REDIC1: variants seen among roughly 807,000 people sequenced by gnomAD.
REDIC1 encodes the protein regulator of DNA class I crossover intermediates 1.
chr12:39,755,904 T>G, the REDIC1 span: 3 of 152,088 alleles, frequency 2.0e-5, no homozygotes, highest in South Asian at 6.2e-4. Context: ...ATAAAACACC[T>G]CTTTGATGAT....
At chr12:39,743,678 C>T in the REDIC1 span, among the ~76,000 whole-genome samples, 2 of 152,068 alleles carry the variant, frequency 1.3e-5, no homozygotes, top group African/African-American at 4.8e-5. Context: ...ACAACACTAA[C>T]AGAAATGAAG....
chr12:39,760,361 C>T, the REDIC1 span: 1 of 1,002,098 alleles, frequency 1.0e-6, no homozygotes, highest in Non-Finnish European at 1.4e-6. Context: ...TGCATAATCA[C>T]AGTATGAAAT....
chr12:39,894,936 G>A, the REDIC1 span, among the ~76,000 whole-genome samples: 2 of 152,162 alleles, frequency 1.3e-5, no homozygotes, highest in African/African-American at 4.8e-5. Flanking sequence ...ATGCTACAAG[G>A]AAAACTGGCT....
chr12:39,716,218 G>T, the REDIC1 span, among the ~76,000 whole-genome samples: 1 of 151,932 alleles, frequency 6.6e-6, no homozygotes, highest in Non-Finnish European at 1.5e-5. Context: ...ACATAGTAGG[G>T]ATTCATGACC....
the REDIC1 span, among the ~76,000 whole-genome samples, chr12:39,761,251 A>T: frequency 2.4e-4 from 30 of 126,840 alleles, no homozygotes; most frequent in African/African-American, 6.5e-4. Flanking sequence ...ATTAAGTAAA[A>T]TAAGGGGGCT....
chr12:39,680,354 G>A, the REDIC1 span, among the ~76,000 whole-genome samples: 1 of 152,010 alleles, frequency 6.6e-6, no homozygotes, highest in African/African-American at 2.4e-5. Context: ...GATAATACAA[G>A]TGGTCAACAG....
the REDIC1 span, chr12:39,646,756 G>T: frequency 1.1e-6 from 1 of 898,230 alleles, no homozygotes; most frequent in Non-Finnish European, 1.7e-6. Flanking sequence ...GTTTTGTGTA[G>T]AACAGTATGA....
the REDIC1 span, among the ~76,000 whole-genome samples, chr12:39,637,407 T>C: frequency 3.3e-5 from 5 of 152,092 alleles, no homozygotes; most frequent in Admixed American, 2.6e-4. Flanking sequence ...TGAACCTCAT[T>C]CCCACTTTCT....
chr12:39,765,606 C>T, the REDIC1 span, among the ~76,000 whole-genome samples: 3 of 152,046 alleles, frequency 2.0e-5, no homozygotes, highest in East Asian at 3.9e-4. Flanking sequence ...CCTATTGTTA[C>T]CATATTTATG....
chr12:39,746,285 T>C, the REDIC1 span, among the ~76,000 whole-genome samples: 2 of 152,172 alleles, frequency 1.3e-5, no homozygotes, highest in African/African-American at 4.8e-5. Flanking sequence ...ACCAGGAGAT[T>C]ATGTCCCATG....
chr12:39,895,514 TTATATATATATATATATATATA>T, the REDIC1 span, among the ~76,000 whole-genome samples: 2 of 56,664 alleles, frequency 3.5e-5, no homozygotes, highest in African/African-American at 1.5e-4. Flanking sequence ...AAAAAAAAAA[TTATATATATATATATATATATA>T]TATATATATA....
the REDIC1 span, among the ~76,000 whole-genome samples, chr12:39,663,002 T>C: frequency 1.3e-5 from 2 of 152,100 alleles, no homozygotes; most frequent in African/African-American, 4.8e-5. Flanking sequence ...TTATCTTTTT[T>C]TAAGTACTTT....
the REDIC1 span, among the ~76,000 whole-genome samples, chr12:39,720,463 G>T: frequency 6.6e-6 from 1 of 151,962 alleles, no homozygotes; most frequent in South Asian, 2.1e-4. Context: ...CTGTTGAAAG[G>T]GTAGAGAGAT....
At chr12:39,664,063 ATTAT>A in the REDIC1 span, among the ~76,000 whole-genome samples, 3 of 151,370 alleles carry the variant, frequency 2.0e-5, no homozygotes, top group Non-Finnish European at 4.4e-5. Context: ...TGTTTTTAGA[ATTAT>A]TTGTCTTTGA....
At chr12:39,750,896 T>C in the REDIC1 span, among the ~76,000 whole-genome samples, 1 of 152,128 alleles carries the variant, frequency 6.6e-6, no homozygotes, top group Non-Finnish European at 1.5e-5. Flanking sequence ...CCTTACACCT[T>C]ATACAAAAAT....
the REDIC1 span, among the ~76,000 whole-genome samples, chr12:39,751,702 T>C: frequency 2.6e-5 from 4 of 152,220 alleles, no homozygotes; most frequent in East Asian, 7.7e-4. Flanking sequence ...CACGTATACA[T>C]CATGGAATAC....
chr12:39,768,180 A>G, the REDIC1 span, among the ~76,000 whole-genome samples: 149,138 of 152,212 alleles, frequency 0.98, 73,075 homozygotes, highest in East Asian at 1. Flanking sequence ...CTTTTCTTCT[A>G]CAGCTTCCTC....
At chr12:39,687,529 A>G in the REDIC1 span, among the ~76,000 whole-genome samples, 2 of 152,158 alleles carry the variant, frequency 1.3e-5, no homozygotes, top group African/African-American at 4.8e-5. Flanking sequence ...CATGACAGCA[A>G]ACTTCACTAT....
the REDIC1 span, among the ~76,000 whole-genome samples, chr12:39,742,590 G>C: frequency 1.3e-5 from 2 of 152,132 alleles, no homozygotes; most frequent in African/African-American, 4.8e-5. Context: ...AAAGCCTTCA[G>C]TGTCTTCTAG....
Sources: allele counts gnomAD v4.1 joint callset (sites outside exome capture counted in the v4.1 genomes callset), GRCh38; gene constraint gnomAD v4.1.1; transcripts MANE v1.5; gene names NCBI Gene and HGNC (gene_info 2026-07-23, HGNC 2026-07-21).